CD160: variants seen among roughly 807,000 people sequenced by gnomAD.
The protein encoded by CD160 is CD160 molecule.
Under a neutral mutation model 19.2 loss-of-function variants are expected in CD160, and 11 were observed. That is an observed-to-expected ratio of 0.57 (90% CI 0.36 to 0.95). The LOEUF (loss-of-function observed/expected upper bound fraction) is 0.95, where lower values mean the gene tolerates loss of function less well. CD160 is among the 40% of genes least tolerant of loss of function. The probability of loss-of-function intolerance (pLI) is 0.01; values close to 1 mark genes in which losing one functional copy is unlikely to be tolerated. For synonymous variants in CD160, 75 were observed against 81.1 expected (o/e 0.93, Z 0.40); for missense variants, 182 against 213.2 (o/e 0.85, Z 0.91).
At position 145,738,867 on chromosome 1, in the gene CD160, AT is replaced by A; in HGVS notation, c.*378del. 1.2e-5 allele frequency: 2 copies of A among 162,658 alleles called. No individual in the cohort carries two copies. The highest frequency in any genetic ancestry group is 2.7e-5 in the Non-Finnish European group (2 of 75,156). 10.1% of individuals were successfully genotyped at this position (162,658 alleles called of 1,614,324 possible). On this transcript the variant is annotated 3_prime_UTR_variant, in exon 6 of 6. Transcript: ENST00000369288. Reference sequence around the variant, plus strand: ...AAGTCAAACAAAATGAGAACACCAAATTTTGGGGGAATAAATTTTTATTTAA... The same window carrying A: ...AAGTCAAACAAAATGAGAACACCAAATTTGGGGGAATAAATTTTTATTTAA...
intron 3 of CD160, 101 bp downstream of exon 3, chr1:145,728,501 CTTTTT>C (rs59357123): frequency 0.014 from 3,964 of 291,260 alleles, no homozygotes; most frequent in South Asian, 0.022. Context: ...ACAAAGGACT[CTTTTT>C]TTTTTTTTTT....
intron 5 of CD160, 79 bp from the exon 6 acceptor site, chr1:145,738,407 A>G: frequency 1.0e-6 from 1 of 963,284 alleles, no homozygotes; most frequent in Non-Finnish European, 1.4e-6. Flanking sequence ...GCATCTCAGG[A>G]CAGGTGAGAC....
At position 145,738,079 on chromosome 1, in the gene CD160, A is replaced by C. The variant is rs782716814; in HGVS notation, c.539-407A>C. ...GTTATCATGCTTACATGTGGGGAAA[A>C]GGAGGAGGGAGTTTCCTGGACCTCT... On this transcript the variant is annotated intron_variant, in intron 5 of 5. Coordinates refer to ENST00000369288, the MANE Select transcript of CD160 (RefSeq NM_007053.4). 1.9e-4 allele frequency: 29 copies of C among 155,446 alleles called. 1 individual carries two copies. In the Middle Eastern group the frequency reaches 9.7e-3, roughly 52 times the overall value. The allele number at this position is 155,446 out of a possible 1,614,324, so 9.6% of individuals were successfully genotyped here.
chr1:145,730,278 C>T (rs1657233184), intron 3 of CD160, among the ~76,000 whole-genome samples: 1 of 152,104 alleles, frequency 6.6e-6, no homozygotes, highest in African/African-American at 2.4e-5. Flanking sequence ...TACGATTGTG[C>T]CACTGCCCTC....
In CD160 at chr1:145,728,170, T is replaced by C. The variant is rs1342445276; in HGVS notation, c.-72-86T>C. ...GCCCTCCTCTACCTCCATCATACTC[T>C]AGCCAATCAAAGCTAGAGCCTGGGA... is the stretch of plus-strand genomic sequence containing the variant. On this transcript the variant is annotated intron_variant, in intron 2 of 5. Transcript: ENST00000369288. 18 of 619,238 alleles carry C rather than the reference T, an allele frequency of 2.9e-5. No homozygotes were observed. In the East Asian group the frequency reaches 5.1e-4, roughly 17 times the overall value. 38.4% of individuals were successfully genotyped at this position (619,238 alleles called of 1,614,324 possible). A position where few individuals can be genotyped will look rare whatever the true frequency, so the allele number is the denominator to read the frequency against.
chr1:145,728,775 C>T (rs1239262473), intron 3 of CD160, among the ~76,000 whole-genome samples: 2 of 152,072 alleles, frequency 1.3e-5, no homozygotes, highest in African/African-American at 4.8e-5. Context: ...ACTCACTCTC[C>T]TTGACATTAA....
intron 1 of CD160, among the ~76,000 whole-genome samples, chr1:145,721,704 C>T (rs782734606): frequency 2.7e-4 from 41 of 151,872 alleles, no homozygotes; most frequent in Non-Finnish European, 5.6e-4. Flanking sequence ...AGTGCGGAGC[C>T]AGGACTGGAA....
intron 2 of CD160, among the ~76,000 whole-genome samples, chr1:145,726,592 C>T (rs1657059543): frequency 6.6e-6 from 1 of 152,028 alleles, no homozygotes; most frequent in African/African-American, 2.4e-5. Flanking sequence ...CGGGTGGGGG[C>T]CCGGGGGAGG....
Position 145,728,297 on chromosome 1 carries a change from C to G in CD160, c.-31C>G, listed in dbSNP as rs1553708633. ...ATACCAGCAGAGCCAACATTTGCTT[C>G]AAGTTCCTGGGCCTGCTGACAGCGT... On this transcript the variant is annotated 5_prime_UTR_variant, in exon 3 of 6. Coordinates refer to ENST00000369288, the MANE Select transcript of CD160 (RefSeq NM_007053.4). The G allele has an allele frequency of 9.5e-6, 15 of 1,581,644 alleles. No individual in the cohort carries two copies. Among genetic ancestry groups the G allele is most frequent in the African/African-American group, 6.7e-5 (5 of 74,462 alleles).
chr1:145,730,838 T>C lies in CD160; in HGVS notation c.168T>C (p.Phe56=), dbSNP rs1657259011. 1.2e-6 allele frequency: 2 copies of C among 1,614,064 alleles called. No homozygotes were observed. Among genetic ancestry groups the C allele is most frequent in the South Asian group, 1.1e-5 (1 of 91,082 alleles). The change falls in exon 4 of 6, where the codon TTT becomes TTC. Residue 56 remains phenylalanine (F), a synonymous_variant. Coordinates refer to ENST00000369288, the MANE Select transcript of CD160 (RefSeq NM_007053.4). ...ATAAGAAAGAAGAGGCTGAGGGGTTTGTAGTGTTTTTGTGCAAGGACAGGT... is the reference window on the plus strand; with the variant it reads ...ATAAGAAAGAAGAGGCTGAGGGGTTCGTAGTGTTTTTGTGCAAGGACAGGT... ...VWHKKEEAEG[F]VVFLCKDRSG... is the part of the protein sequence containing the mutation.
At chr1:145,726,222 A>G (rs988800137) in intron 2 of CD160, among the ~76,000 whole-genome samples, 1 of 152,162 alleles carries the variant, frequency 6.6e-6, no homozygotes, top group South Asian at 2.1e-4. Flanking sequence ...TGACCCAGCA[A>G]TCTCATTACT....
chr1:145,735,031 C>T (rs1657425784), intron 4 of CD160, among the ~76,000 whole-genome samples: 1 of 152,004 alleles, frequency 6.6e-6, no homozygotes, highest in Non-Finnish European at 1.5e-5. Flanking sequence ...CACTTGAACC[C>T]GGGAAGCAGA....
chr1:145,735,106 CAAA>C (rs1436052156), intron 4 of CD160, among the ~76,000 whole-genome samples: 1 of 151,542 alleles, frequency 6.6e-6, no homozygotes, highest in African/African-American at 2.4e-5. Flanking sequence ...GACTCTGTCT[CAAA>C]AAAAGAAATA....
At chr1:145,720,172 G>A (rs1021350591) in intron 1 of CD160, among the ~76,000 whole-genome samples, 8 of 152,100 alleles carry the variant, frequency 5.3e-5, no homozygotes, top group East Asian at 1.9e-4. Context: ...TGTCCTTAAC[G>A]CTCAGCACTA....
Position 145,728,339 on chromosome 1 carries a change from ACCCGG to A in CD160, c.14_18del (p.Pro5GlnfsTer22). On this transcript the variant is annotated frameshift_variant, in exon 3 of 6. Coordinates refer to ENST00000369288, the MANE Select transcript of CD160 (RefSeq NM_007053.4). LOFTEE classifies it high-confidence loss of function. ...TGACAGCGTGCAGGATGCTGTTGGA[ACCCGG>A]CAGAGGCTGCTGTGCCCTGGCCATC... 6.2e-7 allele frequency: 1 copy of A among 1,612,704 alleles called. No homozygotes were observed. The highest frequency in any genetic ancestry group is 8.5e-7 in the Non-Finnish European group (1 of 1,179,542).
rs782130703 is a variant in CD160, at chr1:145,736,219, G to C, written c.538+85G>C. On this transcript the variant is annotated intron_variant, in intron 5 of 5. Coordinates refer to ENST00000369288, the MANE Select transcript of CD160 (RefSeq NM_007053.4). ...CCTTGGTTATTCTCCAGGAGGAGAA[G>C]GTTGGAAAGGATGTCCAGGGGGAGA... 54 of 1,597,942 alleles carry C rather than the reference G, an allele frequency of 3.4e-5. 1 individual carries two copies. The South Asian group carries it at 5.6e-4, about 17-fold the overall frequency.
chr1:145,739,276 A>G lies in CD160; in HGVS notation c.*783A>G, dbSNP rs1553710683. The G allele has an allele frequency of 6.6e-6, 1 of 152,264 alleles. No homozygotes were observed. Among genetic ancestry groups the G allele is most frequent in the African/African-American group, 2.4e-5 (1 of 41,464 alleles). The allele number at this position is 152,264 out of a possible 1,614,324, so 9.4% of individuals were successfully genotyped here. A position where few individuals can be genotyped will look rare whatever the true frequency, so the allele number is the denominator to read the frequency against. On this transcript the variant is annotated 3_prime_UTR_variant, in exon 6 of 6. Coordinates refer to ENST00000369288, the MANE Select transcript of CD160 (RefSeq NM_007053.4). ...ATTCCTGATAGGAGGAACTACATGAATAAAGGGGTAAGAGCACAGAAATTT... is the reference window on the plus strand; with the variant it reads ...ATTCCTGATAGGAGGAACTACATGAGTAAAGGGGTAAGAGCACAGAAATTT...
At chr1:145,729,319 C>G (rs782738958) in intron 3 of CD160, among the ~76,000 whole-genome samples, 3 of 151,838 alleles carry the variant, frequency 2.0e-5, no homozygotes, top group Non-Finnish European at 4.4e-5. Context: ...CTATGTATAC[C>G]AAGGGGAGTC....
At chr1:145,725,954 C>T (rs1657036919) in intron 2 of CD160, among the ~76,000 whole-genome samples, 1 of 151,526 alleles carries the variant, frequency 6.6e-6, no homozygotes, top group Non-Finnish European at 1.5e-5. Flanking sequence ...GGGAGGGGAG[C>T]TGGGTATGAA....
Sources: allele counts gnomAD v4.1 joint callset (sites outside exome capture counted in the v4.1 genomes callset), GRCh38; gene constraint gnomAD v4.1.1; transcripts MANE v1.5; gene names NCBI Gene and HGNC (gene_info 2026-07-23, HGNC 2026-07-21).